Variants in ATP10A observed in about 807,000 individuals in gnomAD.
ATP10A encodes the protein ATPase phospholipid transporting 10A (putative).
A neutral mutation model predicts 147.8 loss-of-function variants in ATP10A; 111 were observed. The observed-to-expected ratio is 0.75, with a 90% confidence interval of 0.64 to 0.88. The LOEUF (loss-of-function observed/expected upper bound fraction) is 0.88, where lower values mean the gene tolerates loss of function less well. Ranked by LOEUF, ATP10A falls within the 40% of genes least tolerant of loss-of-function variation. The pLI is 0.00. For missense variants in ATP10A, 1,927 were observed against 1,959.0 expected (o/e 0.98, Z 0.31); for synonymous variants, 875 against 841.6 (o/e 1.04, Z -0.69).
chr15:25,860,270 C>T (rs1466981974), intron 1 of ATP10A, among the ~76,000 whole-genome samples: 1 of 152,158 alleles, frequency 6.6e-6, no homozygotes, highest in African/African-American at 2.4e-5. Flanking sequence ...TGCTTGGCAC[C>T]ATTTTCCTGA....
intron 10 of ATP10A, chr15:25,710,837 C>T (rs913064010): frequency 6.6e-6 from 1 of 152,338 alleles, no homozygotes; most frequent in East Asian, 1.9e-4. Context: ...AAAGACCACT[C>T]CAAGTAGCAA....
chr15:25,802,793 C>T (rs534853749), intron 1 of ATP10A, among the ~76,000 whole-genome samples: 1 of 152,298 alleles, frequency 6.6e-6, no homozygotes, highest in South Asian at 2.1e-4. Flanking sequence ...TGGGCCCACC[C>T]AGATGATCCA....
intron 17 of ATP10A, among the ~76,000 whole-genome samples, chr15:25,682,109 C>T (rs1179123085): frequency 6.8e-6 from 1 of 146,144 alleles, no homozygotes; most frequent in Non-Finnish European, 1.5e-5. Flanking sequence ...TCCCAGGGAA[C>T]ATGTCTCTCA....
chr15:25,679,610 C>T lies in ATP10A; in HGVS notation c.4231G>A (p.Glu1411Lys), dbSNP rs1220733048. The T allele has an allele frequency of 6.2e-7, 1 of 1,612,180 alleles. No homozygotes were observed. The highest frequency in any genetic ancestry group is 1.7e-5 in the Admixed American group (1 of 59,968). ...CTGGCAGCTCTCACCTTGGACTCCT[C>T]AGGACACCCTCCTGGACTCCTCAGG... ...AVLRSPGGCP[E>K]ESKVRAASTG... The change falls in exon 21 of 21, where the codon GAG becomes AAG. Residue 1411 changes from glutamate (E) to lysine (K), a missense_variant. Transcript: ENST00000555815.
chr15:25,686,478 C>A (rs1189153540), intron 16 of ATP10A, among the ~76,000 whole-genome samples: 1 of 106,860 alleles, frequency 9.4e-6, no homozygotes, highest in Non-Finnish European at 1.7e-5. Context: ...AATAGTGACA[C>A]CCTGTCTCAA....
At chr15:25,774,132 T>C (rs1430666886) in intron 2 of ATP10A, among the ~76,000 whole-genome samples, 1 of 152,206 alleles carries the variant, frequency 6.6e-6, no homozygotes, top group African/African-American at 2.4e-5. Flanking sequence ...ATCTTACTGC[T>C]TTGGCTGTCT....
chr15:25,676,818 G>A (rs1681445489), downstream of ATP10A, among the ~76,000 whole-genome samples: 1 of 151,696 alleles, frequency 6.6e-6, no homozygotes, highest in Admixed American at 6.6e-5. Context: ...TACTTCACAT[G>A]CCTTCTTTTG....
intron 1 of ATP10A, among the ~76,000 whole-genome samples, chr15:25,836,609 G>A (rs766605667): frequency 1.3e-5 from 2 of 152,144 alleles, no homozygotes; most frequent in African/African-American, 2.4e-5. Flanking sequence ...CAGGCAGCGC[G>A]GCCAGAGCTG....
chr15:25,818,743 G>C (rs1034307176), intron 1 of ATP10A, among the ~76,000 whole-genome samples: 1 of 152,032 alleles, frequency 6.6e-6, no homozygotes, highest in African/African-American at 2.4e-5. Flanking sequence ...CACAATATTG[G>C]TACAAAAATA....
intron 17 of ATP10A, among the ~76,000 whole-genome samples, chr15:25,681,614 C>T (rs549252472): frequency 2.0e-5 from 3 of 152,202 alleles, no homozygotes; most frequent in Non-Finnish European, 1.5e-5. Flanking sequence ...GGAAAACTCA[C>T]TCTCTCAGGA....
chr15:25,680,857 C>T lies in ATP10A; in HGVS notation c.3631G>A (p.Ala1211Thr), dbSNP rs774142875. The change falls in exon 19 of 21, where the codon GCG becomes ACG. Residue 1211 changes from alanine (A) to threonine (T), a missense_variant. Physicochemically the swap from Ala to Thr is moderately conservative, Grantham distance 58 (BLOSUM62 0). Coordinates refer to ENST00000555815, the MANE Select transcript of ATP10A (RefSeq NM_024490.4). ...FTWGTPIVTI[A>T]LLTFLLHLGI... ...AGGTGGAGCAGGAAAGTGAGCAGCGCGATTGTCACAATAGGGGTCCCCCAG... is the reference window on the plus strand; with the variant it reads ...AGGTGGAGCAGGAAAGTGAGCAGCGTGATTGTCACAATAGGGGTCCCCCAG... The T allele has an allele frequency of 6.8e-6, 11 of 1,613,888 alleles. No homozygotes were observed. The highest frequency in any genetic ancestry group is 3.3e-5 in the Admixed American group (2 of 59,990).
intron 1 of ATP10A, among the ~76,000 whole-genome samples, chr15:25,782,688 T>C (rs964482138): frequency 2.6e-5 from 4 of 152,178 alleles, no homozygotes; most frequent in Non-Finnish European, 4.4e-5. Context: ...GATTAAAACA[T>C]AATTTTTAGA....
chr15:25,716,706 G>A lies in ATP10A; in HGVS notation c.1776+24C>T, dbSNP rs371372753. On this transcript the variant is annotated intron_variant, in intron 9 of 20. Coordinates refer to ENST00000555815, the MANE Select transcript of ATP10A (RefSeq NM_024490.4). ...CCGCAGCGCAGAAGGTCAAGGTCAA[G>A]CTCAGGGACCCTCCAGAACTTGCCT... The A allele has an allele frequency of 2.5e-5, 38 of 1,538,554 alleles. No individual in the cohort carries two copies. In the African/African-American group the frequency reaches 3.7e-4, roughly 15 times the overall value.
intron 6 of ATP10A, among the ~76,000 whole-genome samples, chr15:25,723,089 C>T (rs1243113809): frequency 6.6e-6 from 1 of 152,162 alleles, no homozygotes; most frequent in Non-Finnish European, 1.5e-5. Flanking sequence ...TGGCTCATGC[C>T]TGTCATCCTA....
At chr15:25,802,899 T>A (rs1487427916) in intron 1 of ATP10A, among the ~76,000 whole-genome samples, 1 of 152,144 alleles carries the variant, frequency 6.6e-6, no homozygotes, top group Non-Finnish European at 1.5e-5. Flanking sequence ...GATGTACACA[T>A]CTGTGGGGGT....
chr15:25,704,912 C>T (rs1379355681), intron 12 of ATP10A, among the ~76,000 whole-genome samples: 2 of 152,144 alleles, frequency 1.3e-5, no homozygotes, highest in Non-Finnish European at 2.9e-5. Context: ...CAGAGCCCAG[C>T]GTCACTGTGC....
At chr15:25,737,195 T>C (rs1163446201) in intron 2 of ATP10A, among the ~76,000 whole-genome samples, 1 of 152,248 alleles carries the variant, frequency 6.6e-6, no homozygotes, top group Non-Finnish European at 1.5e-5. Flanking sequence ...CTCTTCTCCT[T>C]GGACTGAAAT....
At chr15:25,832,706 A>AG (rs1158614054) in intron 1 of ATP10A, among the ~76,000 whole-genome samples, 20 of 152,320 alleles carry the variant, frequency 1.3e-4, no homozygotes, top group African/African-American at 4.8e-4. Context: ...ATGTTACTGG[A>AG]TACTAAACTA....
intron 1 of ATP10A, among the ~76,000 whole-genome samples, chr15:25,805,260 A>G (rs1458534124): frequency 9.2e-5 from 14 of 152,246 alleles, no homozygotes; most frequent in Non-Finnish European, 1.8e-4. Flanking sequence ...GGTCTGTGGC[A>G]GCCGGTCCCT....
Sources: gnomAD v4.1 joint callset for allele counts (sites outside exome capture counted in the v4.1 genomes callset) on GRCh38, gnomAD v4.1.1 for gene constraint, MANE v1.5 for transcripts, NCBI Gene and HGNC (gene_info 2026-07-23, HGNC 2026-07-21) for gene names.